Variants in NLRP7 observed in about 807,000 individuals in gnomAD.
NLRP7 encodes NACHT, LRR and PYD domains-containing protein 7.
NLRP7 carries 72 observed loss-of-function variants against 85.5 expected under a neutral mutation model. The ratio of observed to expected loss-of-function variants is 0.84; its 90% CI spans 0.70 to 1.02. The LOEUF (loss-of-function observed/expected upper bound fraction) is 1.02, where lower values mean the gene tolerates loss of function less well. Ranked by LOEUF, NLRP7 falls within the 50% of genes least tolerant of loss-of-function variation. NLRP7 has a pLI of 0.00. For missense variants in NLRP7, 1,243 were observed against 1,219.5 expected, an observed-to-expected ratio of 1.02 and a Z score of -0.29; for synonymous variants, 550 against 505.2, an observed-to-expected ratio of 1.09 and a Z score of -1.19.
chr19:54,927,889 C>T lies in NLRP7; in HGVS notation c.2810+2610G>A, dbSNP rs561150800. The T allele has an allele frequency of 3.0e-4, 266 of 872,570 alleles. No individual in the cohort carries two copies. The African/African-American group carries it at 3.4e-3, about 11-fold the overall frequency. The allele number at this position is 872,570 out of a possible 1,614,324, so 54.1% of individuals were successfully genotyped here. A position where few individuals can be genotyped will look rare whatever the true frequency, so the allele number is the denominator to read the frequency against. Reference sequence around the variant, plus strand: ...GGTGGATCACTTGAGGCCAGGTGTTCGAGACCAGCCTTGCCAACACGGTCA... The same window carrying T: ...GGTGGATCACTTGAGGCCAGGTGTTTGAGACCAGCCTTGCCAACACGGTCA... On this transcript the variant is annotated intron_variant, in intron 9 of 9. Transcript: ENST00000340844.
At position 54,938,431 on chromosome 19, in the gene NLRP7, A is replaced by C. The variant is rs1602163447; in HGVS notation, c.1932-190T>G. On this transcript the variant is annotated intron_variant, in intron 4 of 9. Transcript: ENST00000340844. The stretch of plus-strand genomic sequence containing the variant: ...TCTTAAGTTTTACAAAAAAAATAAA[A>C]TAATAGATAAGGCTGAGTGAGGTGG... Among the ~76,000 whole-genome samples the C allele has an allele frequency of 4.6e-5, 7 of 152,292 alleles. No individual in the cohort carries two copies. In the South Asian group the frequency reaches 1.4e-3, roughly 32 times the overall value.
chr19:54,946,702 C>T (rs1261491951), intron 1 of NLRP7, among the ~76,000 whole-genome samples: 4 of 151,954 alleles, frequency 2.6e-5, no homozygotes, highest in Admixed American at 1.3e-4. Context: ...TGCAGTGGCG[C>T]GATCTCAGCT....
At position 54,934,830 on chromosome 19, in the gene NLRP7, C is replaced by A. The variant is rs1302932353; in HGVS notation, c.2301-171G>T. On this transcript the variant is annotated intron_variant, in intron 6 of 9. Coordinates refer to ENST00000340844, the Ensembl canonical transcript of NLRP7. The surrounding 1 kb of genome is among the most constrained non-coding windows in gnomAD (Gnocchi z 6.7). ...GTTCAAGCTATTCTCCTGCCTCAGC[C>A]TCCGAAGTAGCTGGGATTACAGGCA... Among the ~76,000 whole-genome samples, 1 of 152,072 alleles carries A rather than the reference C, an allele frequency of 6.6e-6. No individual in the cohort carries two copies. The highest frequency in any genetic ancestry group is 6.6e-5 in the Admixed American group (1 of 15,260).
chr19:54,946,187 G>A (rs868091396), intron 1 of NLRP7, among the ~76,000 whole-genome samples: 16 of 151,604 alleles, frequency 1.1e-4, no homozygotes, highest in East Asian at 1.9e-4. Context: ...GATCACAGGC[G>A]TGAGCCACCG....
At chr19:54,936,391 A>C in exon 6 of NLRP7, 1 of 1,614,184 alleles carries the variant, frequency 6.2e-7, no homozygotes, top group Non-Finnish European at 8.5e-7. Flanking sequence ...AAAGCAAGAC[A>C]GAAGTCCCGG....
intron 1 of NLRP7, among the ~76,000 whole-genome samples, chr19:54,963,848 A>T (rs183402398): frequency 1.4e-4 from 21 of 144,908 alleles, no homozygotes; most frequent in Admixed American, 1.4e-3. Flanking sequence ...CAAAACAAAC[A>T]AAGAAACATG....
At chr19:54,929,107 G>A (rs565795593) in intron 9 of NLRP7, among the ~76,000 whole-genome samples, 8 of 152,142 alleles carry the variant, frequency 5.3e-5, no homozygotes, top group Non-Finnish European at 1.2e-4. Flanking sequence ...GGTGGCTCAT[G>A]CCTGTAATCC....
At chr19:54,930,128 A>G (rs1462341264) in intron 9 of NLRP7, among the ~76,000 whole-genome samples, 1 of 151,272 alleles carries the variant, frequency 6.6e-6, no homozygotes, top group Non-Finnish European at 1.5e-5. Flanking sequence ...AAAAAAAAAA[A>G]AAAAAAGAAA....
chr19:54,955,571 G>A (rs1248356066), intron 1 of NLRP7, among the ~76,000 whole-genome samples: 1 of 151,972 alleles, frequency 6.6e-6, no homozygotes, highest in Non-Finnish European at 1.5e-5. Context: ...GCTGAGGTGG[G>A]TGAATCATTT....
chr19:54,951,650 G>A (rs1407504444), upstream of NLRP7, among the ~76,000 whole-genome samples: 1 of 152,090 alleles, frequency 6.6e-6, no homozygotes, highest in East Asian at 1.9e-4. Context: ...CTGCACTCTG[G>A]CCCACATCCT....
At chr19:54,933,879 T>C (rs1271190509) in intron 7 of NLRP7, 140 bp from the exon 8 acceptor site, 3 of 766,050 alleles carry the variant, frequency 3.9e-6, no homozygotes, top group Non-Finnish European at 6.8e-6. Flanking sequence ...GGAGTCATCA[T>C]GGCCACAAAA....
At chr19:54,947,679 C>G, upstream of NLRP7, 1 of 1,281,824 alleles carries the variant, frequency 7.8e-7, no homozygotes, top group Non-Finnish European at 1.0e-6. Flanking sequence ...AGGGATTTGG[C>G]TGTAATTGGG....
intron 5 of NLRP7, 79 bp downstream of exon 5, chr19:54,937,965 T>C: frequency 9.3e-7 from 1 of 1,074,324 alleles, no homozygotes; most frequent in South Asian, 1.2e-5. Flanking sequence ...AAACAGCACA[T>C]TTCCAAATTT....
At chr19:54,949,953 T>C (rs1382475256), upstream of NLRP7, among the ~76,000 whole-genome samples, 2 of 151,876 alleles carry the variant, frequency 1.3e-5, no homozygotes, top group Admixed American at 1.3e-4. Context: ...AAATAAAAAA[T>C]TAGCCAGGCG....
intron 2 of NLRP7, among the ~76,000 whole-genome samples, 157 bp from the exon 3 acceptor site, chr19:54,941,162 G>A (rs1331053241): frequency 6.6e-6 from 1 of 150,484 alleles, no homozygotes; most frequent in Non-Finnish European, 1.5e-5. Flanking sequence ...AGGAGATCAA[G>A]ACCAGCCTGG....
rs193184454 is a variant in NLRP7 at position 54,960,849 on chromosome 19, C to T, written c.-77+5191G>A. Among the ~76,000 whole-genome samples the T allele has an allele frequency of 5.5e-3, 841 of 152,102 alleles. 6 individuals carry two copies. The highest frequency in any genetic ancestry group is 0.019 in the African/African-American group (779 of 41,514). ...TGACCTCGTGATCCGCTTGCCTCGG[C>T]CTCCCAAAGTGCTGGGATTACAGGC... On this transcript the variant is annotated intron_variant, in intron 1 of 2. Transcript: ENST00000587103.
At chr19:54,939,755 G>T in exon 4 of NLRP7, 1 of 1,613,700 alleles carries the variant, frequency 6.2e-7, no homozygotes, top group Non-Finnish European at 8.5e-7. Flanking sequence ...CTGGAACAGG[G>T]CCGCGTTGCT....
intron 9 of NLRP7, among the ~76,000 whole-genome samples, chr19:54,928,034 C>G (rs1255517671): frequency 1.3e-5 from 2 of 152,128 alleles, no homozygotes; most frequent in South Asian, 2.1e-4. Flanking sequence ...TCGAGACCAG[C>G]CAGGCCAACA....
intron 9 of NLRP7, 99 bp downstream of exon 9, chr19:54,930,400 C>G: frequency 2.5e-6 from 2 of 811,162 alleles, no homozygotes; most frequent in South Asian, 2.8e-5. Flanking sequence ...AGACCGAAGC[C>G]GCAGTGAGCC....
Sources: allele counts gnomAD v4.1 joint callset (sites outside exome capture counted in the v4.1 genomes callset), GRCh38; gene constraint gnomAD v4.1.1; non-coding constraint Gnocchi (gnomAD v3.1); transcripts MANE v1.5; gene names NCBI Gene and HGNC (gene_info 2026-07-23, HGNC 2026-07-21).